Variants in KCNQ3 observed in about 807,000 individuals in gnomAD.
KCNQ3 encodes the protein potassium voltage-gated channel subfamily KQT member 3.
Under a neutral mutation model 92.5 loss-of-function variants are expected in KCNQ3, and 30 were observed. That is an observed-to-expected ratio of 0.32 (90% confidence interval 0.24 to 0.44). KCNQ3 has a LOEUF of 0.44. Ranked by LOEUF, KCNQ3 falls within the 20% of genes least tolerant of loss-of-function variation. The pLI is 1.00. For missense variants in KCNQ3, 913 were observed against 1,140.3 expected (o/e 0.80, Z 2.87); for synonymous variants, 450 against 468.8 (o/e 0.96, Z 0.52).
At chr8:132,459,276 T>C (rs1288403756) in intron 1 of KCNQ3, among the ~76,000 whole-genome samples, 1 of 152,152 alleles carries the variant, frequency 6.6e-6, no homozygotes, top group Non-Finnish European at 1.5e-5. Flanking sequence ...TCTTAGTCCA[T>C]TTAGTGTGCT....
rs1819477388 is a variant in KCNQ3 at position 132,371,688 on chromosome 8, C to CA, written c.386+108458dup. Among the ~76,000 whole-genome samples, 5 of 152,300 alleles carry CA rather than the reference C, an allele frequency of 3.3e-5. No homozygotes were observed. The South Asian group carries it at 8.3e-4, about 25-fold the overall frequency. On this transcript the variant is annotated intron_variant, in intron 1 of 14. Coordinates refer to ENST00000388996, the MANE Select transcript of KCNQ3 (RefSeq NM_004519.4). ...TTTGTGCCAAGCTAGGACAACCAGG[C>CA]AAAAACCAACACCACTCTCCACGAA... is the stretch of plus-strand genomic sequence containing the variant.
At chr8:132,384,847 A>G (rs1819850559) in intron 1 of KCNQ3, among the ~76,000 whole-genome samples, 1 of 152,196 alleles carries the variant, frequency 6.6e-6, no homozygotes, top group African/African-American at 2.4e-5. Flanking sequence ...TGTAAAATGG[A>G]AACACTGATA....
chr8:132,265,033 C>T (rs1255249365), intron 1 of KCNQ3, among the ~76,000 whole-genome samples: 1 of 152,166 alleles, frequency 6.6e-6, no homozygotes, highest in Non-Finnish European at 1.5e-5. Context: ...CTCTGAGCCA[C>T]AACTGTCCCA....
chr8:132,458,707 A>G (rs569320592), intron 1 of KCNQ3, among the ~76,000 whole-genome samples: 1 of 152,336 alleles, frequency 6.6e-6, no homozygotes, highest in East Asian at 1.9e-4. Flanking sequence ...CTCCCGCCTT[A>G]GCCTCCCAAA....
rs183217146 is a variant in KCNQ3 at position 132,429,816 on chromosome 8, G to A, written c.386+50331C>T. 3.1e-4 allele frequency among the ~76,000 whole-genome samples: 44 copies of A among 142,950 alleles called. No individual in the cohort carries two copies. The East Asian group carries it at 5.6e-3, about 18-fold the overall frequency. The allele number at this position is 142,950 out of a possible 152,430, so 93.8% of individuals were successfully genotyped here. A position where few individuals can be genotyped will look rare whatever the true frequency, so the allele number is the denominator to read the frequency against. On this transcript the variant is annotated intron_variant, in intron 1 of 14. Coordinates refer to ENST00000388996, the MANE Select transcript of KCNQ3 (RefSeq NM_004519.4). Reference sequence around the variant, plus strand: ...GCGGAGGTTGCAGTGAGCTGAGATCGTACCACTGCACTCCAGCCTGGGCAA... The same window carrying A: ...GCGGAGGTTGCAGTGAGCTGAGATCATACCACTGCACTCCAGCCTGGGCAA...
At chr8:132,324,275 T>C (rs1817977678) in intron 1 of KCNQ3, among the ~76,000 whole-genome samples, 2 of 152,218 alleles carry the variant, frequency 1.3e-5, no homozygotes, top group Non-Finnish European at 2.9e-5. Flanking sequence ...CTTTACTTCA[T>C]TCTAATGTCC....
chr8:132,448,502 G>GAAAAAAAAAAAAAAAAAAAAAAA, intron 1 of KCNQ3, among the ~76,000 whole-genome samples: 20 of 93,880 alleles, frequency 2.1e-4, no homozygotes, highest in African/African-American at 3.8e-4. Flanking sequence ...GGAGAAATAT[G>GAAAAAAAAAAAAAAAAAAAAAAA]AAAAAAAAAA....
intron 1 of KCNQ3, among the ~76,000 whole-genome samples, chr8:132,215,328 A>G (rs1813993906): frequency 6.6e-6 from 1 of 152,246 alleles, no homozygotes; most frequent in African/African-American, 2.4e-5. Context: ...TGTATGGAAG[A>G]GAGAAAAATA....
At chr8:132,465,692 C>T (rs1822155867) in intron 1 of KCNQ3, among the ~76,000 whole-genome samples, 2 of 152,056 alleles carry the variant, frequency 1.3e-5, no homozygotes, top group South Asian at 2.1e-4. Flanking sequence ...TGCAGTGAGC[C>T]GAGATTGCAC....
intron 1 of KCNQ3, among the ~76,000 whole-genome samples, chr8:132,439,734 A>C (rs1464570739): frequency 2.6e-5 from 4 of 152,142 alleles, no homozygotes; most frequent in Non-Finnish European, 5.9e-5. Context: ...AAGCTGGAAA[A>C]AGCAGGGTAA....
chr8:132,380,058 G>A (rs187333246), intron 1 of KCNQ3, among the ~76,000 whole-genome samples: 1 of 152,222 alleles, frequency 6.6e-6, no homozygotes, highest in East Asian at 1.9e-4. Context: ...CAGTAAAAAT[G>A]GCTTTTATTG....
At chr8:132,393,661 G>A (rs934349539) in intron 1 of KCNQ3, among the ~76,000 whole-genome samples, 9 of 152,116 alleles carry the variant, frequency 5.9e-5, no homozygotes, top group African/African-American at 1.2e-4. Flanking sequence ...CAGGCACTCC[G>A]TCAAGTGATC....
intron 1 of KCNQ3, among the ~76,000 whole-genome samples, chr8:132,466,550 AG>A (rs1822176360): frequency 6.6e-6 from 1 of 152,148 alleles, no homozygotes; most frequent in Non-Finnish European, 1.5e-5. Flanking sequence ...CAGGGTCCCT[AG>A]GAAGACTAAG....
chr8:132,427,465 C>A (rs751687540), intron 1 of KCNQ3, among the ~76,000 whole-genome samples: 4 of 152,212 alleles, frequency 2.6e-5, no homozygotes, highest in African/African-American at 4.8e-5. Flanking sequence ...ACCATACAGA[C>A]CATGCTTTTG....
rs561441080 is a variant in KCNQ3, at chr8:132,156,804, A to C, written c.1262+6664T>G. Among the ~76,000 whole-genome samples the C allele has an allele frequency of 6.6e-5, 10 of 150,724 alleles. No individual in the cohort carries two copies. In the East Asian group the frequency reaches 1.9e-3, roughly 29 times the overall value. On this transcript the variant is annotated intron_variant, in intron 9 of 14. Transcript: ENST00000388996. The stretch of plus-strand genomic sequence containing the variant: ...AGGGTCTTTGCTGATGGAATCAAGT[A>C]AAGATGAGGGCATATTGAATTAGGG...
chr8:132,241,518 T>C (rs1445810490), intron 1 of KCNQ3, among the ~76,000 whole-genome samples: 2 of 152,044 alleles, frequency 1.3e-5, no homozygotes, highest in African/African-American at 4.8e-5. Context: ...TTATTATCTA[T>C]TGCCTACTTT....
intron 1 of KCNQ3, among the ~76,000 whole-genome samples, chr8:132,242,356 T>G (rs1389661929): frequency 6.6e-6 from 1 of 152,182 alleles, no homozygotes; most frequent in East Asian, 1.9e-4. Flanking sequence ...GGACCACTTG[T>G]GATGTGCTGG....
intron 1 of KCNQ3, among the ~76,000 whole-genome samples, chr8:132,365,824 G>A (rs541177705): frequency 6.6e-6 from 1 of 152,152 alleles, no homozygotes; most frequent in East Asian, 1.9e-4. Context: ...GAGGCCAGGA[G>A]TTTGAGACTA....
At chr8:132,344,850 G>C (rs943668704) in intron 1 of KCNQ3, among the ~76,000 whole-genome samples, 1 of 152,154 alleles carries the variant, frequency 6.6e-6, no homozygotes, top group South Asian at 2.1e-4. Flanking sequence ...GGTGCTTTGC[G>C]TGGGGCAACT....
Sources: gnomAD v4.1 joint callset for allele counts (sites outside exome capture counted in the v4.1 genomes callset) on GRCh38, gnomAD v4.1.1 for gene constraint, MANE v1.5 for transcripts, NCBI Gene and HGNC (gene_info 2026-07-23, HGNC 2026-07-21) for gene names.